NPEPL1: variants seen among roughly 807,000 people sequenced by gnomAD.
NPEPL1 encodes the protein probable aminopeptidase NPEPL1.
In NPEPL1, 45 loss-of-function variants were observed where a neutral mutation model predicts 52.4. The observed-to-expected ratio is 0.86, with a 90% confidence interval of 0.68 to 1.10. NPEPL1 has a LOEUF of 1.10. Ranked by LOEUF, NPEPL1 falls within the 50% of genes least tolerant of loss-of-function variation. NPEPL1 has a pLI of 0.00. For missense variants in NPEPL1, 696 were observed against 710.9 expected, an observed-to-expected ratio of 0.98 and a Z score of 0.24; for synonymous variants, 360 against 314.7, an observed-to-expected ratio of 1.14 and a Z score of -1.52.
chr20:58,703,658 A>C (rs180696561), intron 6 of NPEPL1: 1 of 985,304 alleles, frequency 1.0e-6, no homozygotes, highest in African/African-American at 1.7e-5. Context: ...CTTAGGGAAA[A>C]TATCGTTGCA....
chr20:58,701,256 GT>G, intron 6 of NPEPL1, 98 bp downstream of exon 6: 1 of 287,614 alleles, frequency 3.5e-6, no homozygotes, highest in African/African-American at 2.9e-5. Flanking sequence ...GTGGGGTGGG[GT>G]GGGGTGGGGA....
At chr20:58,705,219 A>G (rs1416185291) in intron 6 of NPEPL1, among the ~76,000 whole-genome samples, 1 of 152,190 alleles carries the variant, frequency 6.6e-6, no homozygotes, top group Non-Finnish European at 1.5e-5. Flanking sequence ...TCTGCCAGAT[A>G]CCTAAATCCA....
intron 10 of NPEPL1, chr20:58,714,342 T>C (rs1268035925): frequency 3.3e-6 from 2 of 605,204 alleles, no homozygotes; most frequent in Non-Finnish European, 5.7e-6. Context: ...AGTTGCCCCA[T>C]CAGGCCCTTT....
Position 58,715,391 on chromosome 20 carries a change from C to A in NPEPL1, c.*65C>A. The A allele has an allele frequency of 1.4e-6, 2 of 1,443,902 alleles. No homozygotes were observed. The highest frequency in any genetic ancestry group is 9.2e-7 in the Non-Finnish European group (1 of 1,089,016). 89.4% of individuals were successfully genotyped at this position (1,443,902 alleles called of 1,614,324 possible). ...TCACTTTGCACTGATTAATTTTAAG[C>A]AATTGAAAGATTGCCCTTCATATGG... is the stretch of plus-strand genomic sequence containing the variant. On this transcript the variant is annotated 3_prime_UTR_variant, in exon 12 of 12. Transcript: ENST00000356091.
At position 58,714,138 on chromosome 20, in the gene NPEPL1, C is replaced by T. The variant is rs1334084122; in HGVS notation, c.1302+45C>T. On this transcript the variant is annotated intron_variant, in intron 10 of 11. Coordinates refer to ENST00000356091, the MANE Select transcript of NPEPL1 (RefSeq NM_024663.4). Reference sequence around the variant, plus strand: ...CCTGGAGCCTGCCACATGGGTGGAGCCGGGCAGGCGGAGCCCTGCCTTCAG... The same window carrying T: ...CCTGGAGCCTGCCACATGGGTGGAGTCGGGCAGGCGGAGCCCTGCCTTCAG... 8 of 1,509,698 alleles carry T rather than the reference C, an allele frequency of 5.3e-6. No homozygotes were observed. The African/African-American group carries it at 1.1e-4, about 22-fold the overall frequency. 93.5% of individuals were successfully genotyped at this position (1,509,698 alleles called of 1,614,324 possible).
intron 7 of NPEPL1, among the ~76,000 whole-genome samples, chr20:58,709,637 G>T (rs1406706616): frequency 6.6e-6 from 1 of 152,216 alleles, no homozygotes; most frequent in South Asian, 2.1e-4. Context: ...GTGTCCCAGG[G>T]CATGTCACCA....
At chr20:58,703,993 C>T (rs2084687720) in intron 6 of NPEPL1, 2 of 985,374 alleles carry the variant, frequency 2.0e-6, no homozygotes, top group Non-Finnish European at 1.2e-6. Flanking sequence ...TATTTTAAAC[C>T]AGCCCATCTT....
upstream of NPEPL1, chr20:58,692,033 C>CCG: frequency 8.4e-6 from 5 of 597,304 alleles, no homozygotes; most frequent in East Asian, 2.8e-5. The surrounding 1 kb of genome is among the most constrained non-coding windows in gnomAD (Gnocchi z 5.7). Flanking sequence ...TGAGGTGACT[C>CCG]AGGTCACCCT....
At chr20:58,696,817 C>G (rs2084502471) in intron 3 of NPEPL1, among the ~76,000 whole-genome samples, 1 of 152,264 alleles carries the variant, frequency 6.6e-6, no homozygotes, top group South Asian at 2.1e-4. Context: ...TGAATTCTCA[C>G]TACAGCCCTG....
At position 58,701,168 on chromosome 20, in the gene NPEPL1, G is replaced by A. The variant is rs369324831; in HGVS notation, c.822+10G>A. ...CAGCATCAAAGGGAAGGTGAGGTGC[G>A]GGCTGGCTCTCAGGGTGCCCTGGGG... On this transcript the variant is annotated intron_variant, in intron 6 of 11. Transcript: ENST00000356091. 7.6e-5 allele frequency: 117 copies of A among 1,530,860 alleles called. No homozygotes were observed. The South Asian group carries it at 7.8e-4, about 10-fold the overall frequency. 94.8% of individuals were successfully genotyped at this position (1,530,860 alleles called of 1,614,324 possible).
intron 8 of NPEPL1, 149 bp downstream of exon 8, chr20:58,712,728 G>A (rs1568861333): frequency 1.4e-6 from 1 of 709,562 alleles, no homozygotes; most frequent in East Asian, 2.7e-5. Flanking sequence ...CGGAGGGCTG[G>A]GGAGCTTTGG....
At position 58,713,898 on chromosome 20, in the gene NPEPL1, C is replaced by T. The variant is rs747776150; in HGVS notation, c.1126-19C>T. The T allele has an allele frequency of 1.9e-5, 28 of 1,448,558 alleles. No individual in the cohort carries two copies. Among genetic ancestry groups the T allele is most frequent in the East Asian group, 5.4e-5 (2 of 37,192 alleles). 89.7% of individuals were successfully genotyped at this position (1,448,558 alleles called of 1,614,324 possible). A position where few individuals can be genotyped will look rare whatever the true frequency, so the allele number is the denominator to read the frequency against. On this transcript the variant is annotated intron_variant, in intron 9 of 11. Transcript: ENST00000356091. The surrounding 1 kb of genome is among the most constrained non-coding windows in gnomAD (Gnocchi z 4.6). ...CCTGCCGTCCCGTCCACACGCTTCC[C>T]GGGTTCCTGCCCGCCCAGGGCATTG...
At chr20:58,702,425 G>A (rs1468813262) in intron 6 of NPEPL1, among the ~76,000 whole-genome samples, 2 of 152,176 alleles carry the variant, frequency 1.3e-5, no homozygotes, top group Admixed American at 6.5e-5. Context: ...TCTCTAGCAC[G>A]CCTAGTTTAT....
Position 58,693,550 on chromosome 20 carries a change from G to A in NPEPL1, c.151-187G>A, listed in dbSNP as rs1568845788. Reference sequence around the variant, plus strand: ...CATCCCACCAGGGGGATGCGAGCCAGCCTAGAGACAGTTAGCTCTGCAGAG... The same window carrying A: ...CATCCCACCAGGGGGATGCGAGCCAACCTAGAGACAGTTAGCTCTGCAGAG... On this transcript the variant is annotated intron_variant, in intron 1 of 11. Coordinates refer to ENST00000356091, the MANE Select transcript of NPEPL1 (RefSeq NM_024663.4). The A allele has an allele frequency of 9.2e-6, 5 of 545,700 alleles. No individual in the cohort carries two copies. The Admixed American group carries it at 1.1e-4, about 12-fold the overall frequency. 33.8% of individuals were successfully genotyped at this position (545,700 alleles called of 1,614,324 possible). A position where few individuals can be genotyped will look rare whatever the true frequency, so the allele number is the denominator to read the frequency against.
chr20:58,690,890 C>G, upstream of NPEPL1: 1 of 490,578 alleles, frequency 2.0e-6, no homozygotes, highest in African/African-American at 1.9e-5. Context: ...TCTTGGATCC[C>G]TCTTCAGTTT....
chr20:58,698,921 C>T lies in NPEPL1; in HGVS notation c.597+148C>T, dbSNP rs1055203923. On this transcript the variant is annotated intron_variant, in intron 4 of 11. Coordinates refer to ENST00000356091, the MANE Select transcript of NPEPL1 (RefSeq NM_024663.4). ...CCCTCGGCGGAGCGCTGCTGTCTGC[C>T]GGGCTCCAGGAAGCCTCAGGAAAGG... 1.2e-5 allele frequency: 9 copies of T among 721,194 alleles called. No homozygotes were observed. The Admixed American group carries it at 1.6e-4, about 13-fold the overall frequency. 44.7% of individuals were successfully genotyped at this position (721,194 alleles called of 1,614,324 possible). A position where few individuals can be genotyped will look rare whatever the true frequency, so the allele number is the denominator to read the frequency against.
chr20:58,690,116 T>C (rs1048338174), upstream of NPEPL1, among the ~76,000 whole-genome samples: 3 of 152,202 alleles, frequency 2.0e-5, no homozygotes, highest in East Asian at 1.9e-4. Context: ...TCTTACAAGA[T>C]AGGATTTCAG....
rs1240327025 is a variant in NPEPL1 at position 58,707,214 on chromosome 20, G to T, written c.900+14G>T. On this transcript the variant is annotated intron_variant, in intron 7 of 11. Coordinates refer to ENST00000356091, the MANE Select transcript of NPEPL1 (RefSeq NM_024663.4). ...GCAATCAAGCAGGTGAGTGGGCCCT[G>T]CCCGCCCTCTGCAGGGGCATCCTGG... 1.3e-6 allele frequency: 2 copies of T among 1,546,062 alleles called. No individual in the cohort carries two copies. The highest frequency in any genetic ancestry group is 8.7e-7 in the Non-Finnish European group (1 of 1,144,900).
chr20:58,691,392 TTTTTTTTTTGAG>T, upstream of NPEPL1: 4 of 502,152 alleles, frequency 8.0e-6, no homozygotes, highest in African/African-American at 3.0e-5. Context: ...TTTTTTTTTT[TTTTTTTTTTGAG>T]TGCCTGCTCT....
Sources: allele counts gnomAD v4.1 joint callset (sites outside exome capture counted in the v4.1 genomes callset), GRCh38; gene constraint gnomAD v4.1.1; non-coding constraint Gnocchi (gnomAD v3.1); transcripts MANE v1.5; gene names NCBI Gene and HGNC (gene_info 2026-07-23, HGNC 2026-07-21).